GRIK4: variants seen among roughly 807,000 people sequenced by gnomAD.
GRIK4 encodes glutamate receptor ionotropic, kainate 4.
Under a neutral mutation model 104.9 loss-of-function variants are expected in GRIK4, and 40 were observed. The ratio of observed to expected loss-of-function variants is 0.38; its 90% CI spans 0.30 to 0.50. GRIK4 has a LOEUF of 0.50. Ranked by LOEUF, GRIK4 falls within the 20% of genes least tolerant of loss-of-function variation. The pLI, the probability that GRIK4 is intolerant of heterozygous loss-of-function variation, is 0.93. For missense variants in GRIK4, 1,047 were observed against 1,308.1 expected (o/e 0.80, Z 3.08); for synonymous variants, 485 against 524.9 (o/e 0.92, Z 1.04).
intron 13 of GRIK4, among the ~76,000 whole-genome samples, chr11:120,911,182 G>C (rs972622699): frequency 6.6e-6 from 1 of 152,116 alleles, no homozygotes; most frequent in Middle Eastern, 3.4e-3. Context: ...TGTTGCAAGA[G>C]ATGGTGAGAA....
intron 3 of GRIK4, among the ~76,000 whole-genome samples, chr11:120,685,719 C>T (rs1315011377): frequency 2.6e-5 from 4 of 152,186 alleles, no homozygotes; most frequent in Non-Finnish European, 5.9e-5. Flanking sequence ...ACTTTTGCAG[C>T]AGTTGCAGTT....
chr11:120,535,103 A>G (rs1217857368), intron 1 of GRIK4, among the ~76,000 whole-genome samples: 2 of 152,168 alleles, frequency 1.3e-5, no homozygotes, highest in Non-Finnish European at 2.9e-5. Context: ...ACCATGGTCA[A>G]TTTTAAGTTG....
At chr11:120,615,562 C>A (rs1225614288) in intron 1 of GRIK4, among the ~76,000 whole-genome samples, 1 of 152,196 alleles carries the variant, frequency 6.6e-6, no homozygotes, top group Non-Finnish European at 1.5e-5. Flanking sequence ...GCTCTCTTCT[C>A]TATTCCAGGA....
At chr11:120,814,398 A>G (rs528887985) in intron 4 of GRIK4, among the ~76,000 whole-genome samples, 1 of 152,238 alleles carries the variant, frequency 6.6e-6, no homozygotes, top group South Asian at 2.1e-4. Context: ...TCAGGAGTTC[A>G]AGACCAGCCT....
At chr11:120,862,203 C>A in intron 9 of GRIK4, 83 bp downstream of exon 9, 1 of 1,186,706 alleles carries the variant, frequency 8.4e-7, no homozygotes, top group Non-Finnish European at 1.2e-6. Context: ...GGCAACACAT[C>A]TTCTTGGAGT....
chr11:120,612,287 G>A (rs543811405), intron 1 of GRIK4, among the ~76,000 whole-genome samples: 2 of 152,268 alleles, frequency 1.3e-5, no homozygotes, highest in South Asian at 4.2e-4. Context: ...ATGAATGAAT[G>A]ATAAATTTCC....
At chr11:120,766,410 G>A (rs968768571) in intron 3 of GRIK4, among the ~76,000 whole-genome samples, 3 of 152,220 alleles carry the variant, frequency 2.0e-5, no homozygotes, top group Admixed American at 1.3e-4. Context: ...GGGATCCACT[G>A]AGCAAGACCA....
intron 3 of GRIK4, among the ~76,000 whole-genome samples, chr11:120,757,935 A>T (rs1328659727): frequency 6.6e-6 from 1 of 152,154 alleles, no homozygotes; most frequent in African/African-American, 2.4e-5. Context: ...CAAATTATTT[A>T]CAGTCCATGG....
intron 1 of GRIK4, among the ~76,000 whole-genome samples, chr11:120,569,174 CA>C (rs1476724659): frequency 6.6e-6 from 1 of 152,170 alleles, no homozygotes; most frequent in Non-Finnish European, 1.5e-5. Context: ...GGGCAACTGG[CA>C]GTGCTACAAG....
In GRIK4 at chr11:120,831,998, A is replaced by G. The variant is rs753740493; in HGVS notation, c.658A>G (p.Asn220Asp). The G allele has an allele frequency of 6.2e-7, 1 of 1,613,438 alleles. No individual in the cohort carries two copies. The highest frequency in any genetic ancestry group is 8.5e-7 in the Non-Finnish European group (1 of 1,179,800). The part of the protein sequence containing the change: ...DKTATIIIHA[N>D]ASMSHTILLK... Reference sequence around the variant, plus strand: ...GACCGCCACCATCATCATCCACGCCAACGCCTCCATGTCCCACACCATCCT... The same window carrying G: ...GACCGCCACCATCATCATCCACGCCGACGCCTCCATGTCCCACACCATCCT... Residue 220 changes from asparagine (N) to aspartate (D), a missense_variant, in exon 7 of 21, where the codon AAC becomes GAC. Physicochemically the swap from Asn to Asp is conservative, Grantham distance 23 (BLOSUM62 1). Coordinates refer to ENST00000527524, the MANE Select transcript of GRIK4 (RefSeq NM_014619.5).
chr11:120,907,174 A>G (rs1024986871), intron 13 of GRIK4, among the ~76,000 whole-genome samples: 1 of 152,232 alleles, frequency 6.6e-6, no homozygotes, highest in Non-Finnish European at 1.5e-5. Context: ...GGTGCAGCTC[A>G]GTAGTTAGAC....
chr11:120,751,278 G>A (rs1407405447), intron 3 of GRIK4, among the ~76,000 whole-genome samples: 2 of 151,910 alleles, frequency 1.3e-5, no homozygotes, highest in Non-Finnish European at 2.9e-5. Flanking sequence ...CCAGGCAGAG[G>A]GCAGAGGAAG....
chr11:120,871,624 G>A (rs958824504), intron 9 of GRIK4: 2 of 456,326 alleles, frequency 4.4e-6, no homozygotes, highest in Admixed American at 4.7e-5. Context: ...CAGGAAGGGA[G>A]TTGGAGCAGG....
At chr11:120,854,774 C>T (rs1187217929) in intron 8 of GRIK4, among the ~76,000 whole-genome samples, 1 of 152,106 alleles carries the variant, frequency 6.6e-6, no homozygotes, top group Non-Finnish European at 1.5e-5. Flanking sequence ...CTCACAATGG[C>T]ACAGTGAAGT....
chr11:120,940,566 G>GC lies in GRIK4; in HGVS notation c.1590+106_1590+107insC. The GC allele has an allele frequency of 1.4e-6, 1 of 696,718 alleles. No individual in the cohort carries two copies. The highest frequency in any genetic ancestry group is 2.8e-5 in the Admixed American group (1 of 35,652). 43.2% of individuals were successfully genotyped at this position (696,718 alleles called of 1,614,324 possible). On this transcript the variant is annotated intron_variant, in intron 14 of 20. Transcript: ENST00000527524. The surrounding 1 kb of genome is among the most constrained non-coding windows in gnomAD (Gnocchi z 4.3). ...ACTCATGGAAATATTTAGATTTCAA[G>GC]ACTTAAATGCAAATGTGCTGGGCTA...
Position 120,923,742 on chromosome 11 carries a change from C to T in GRIK4, c.1477-16605C>T, listed in dbSNP as rs140227489. On this transcript the variant is annotated intron_variant, in intron 13 of 20. Transcript: ENST00000527524. Reference sequence around the variant, plus strand: ...TCGCTCATTTAATCCTCAGAATAAACCCGTGAAGCGGAAACTGGTACCATT... The same window carrying T: ...TCGCTCATTTAATCCTCAGAATAAATCCGTGAAGCGGAAACTGGTACCATT... Among the ~76,000 whole-genome samples the T allele has an allele frequency of 8.0e-3, 1,215 of 152,256 alleles. 7 individuals are homozygous for T. The highest frequency in any genetic ancestry group is 0.014 in the Non-Finnish European group (921 of 68,024).
intron 3 of GRIK4, among the ~76,000 whole-genome samples, chr11:120,751,252 C>T (rs753065371): frequency 2.6e-5 from 4 of 151,734 alleles, no homozygotes; most frequent in African/African-American, 4.8e-5. Context: ...GTGGGAAGCA[C>T]GTGGCAAGGA....
intron 3 of GRIK4, among the ~76,000 whole-genome samples, chr11:120,749,211 A>C (rs952322729): frequency 6.6e-6 from 1 of 151,888 alleles, no homozygotes; most frequent in Non-Finnish European, 1.5e-5. Context: ...CCCACTCCCA[A>C]CATCCTCCCA....
intron 1 of GRIK4, among the ~76,000 whole-genome samples, chr11:120,624,496 AG>A (rs1169262742): frequency 3.4e-4 from 52 of 152,184 alleles, no homozygotes; most frequent in African/African-American, 1.2e-3. Context: ...GAGTAGCTGT[AG>A]GTGCTCCTAG....
Sources: allele counts gnomAD v4.1 joint callset (sites outside exome capture counted in the v4.1 genomes callset), GRCh38; gene constraint gnomAD v4.1.1; non-coding constraint Gnocchi (gnomAD v3.1); transcripts MANE v1.5; gene names NCBI Gene and HGNC (gene_info 2026-07-23, HGNC 2026-07-21).